NPAP1: variants seen among roughly 807,000 people sequenced by gnomAD.
NPAP1 encodes nuclear pore associated protein 1.
For synonymous variants in NPAP1, 616 were observed against 581.4 expected (o/e 1.06, Z -0.86); for missense variants, 1,483 against 1,454.5 (o/e 1.02, Z -0.32).
chr15:24,676,371 G>C lies in NPAP1; in HGVS notation c.504G>C (p.Gln168His), dbSNP rs1438367355. The C allele has an allele frequency of 9.0e-6, 14 of 1,562,390 alleles. No homozygotes were observed. The highest frequency in any genetic ancestry group is 8.6e-7 in the Non-Finnish European group (1 of 1,157,494). ...TGAAGAAGGATGAGGATCCGGTGCA[G>C]ATCGAAGGGGAGGATGACGAGAAAA... ...RRVKKDEDPVQIEGEDDEKRT... is the reference protein window; with the variant it reads ...RRVKKDEDPVHIEGEDDEKRT... Residue 168 changes from glutamine (Q) to histidine (H), a missense_variant, in exon 1 of 1, where the codon CAG becomes CAC. Coordinates refer to ENST00000329468, the MANE Select transcript of NPAP1 (RefSeq NM_018958.3).
rs199753715 is a variant in NPAP1 at position 24,676,003 on chromosome 15, C to T, written c.136C>T (p.Pro46Ser). The part of the protein sequence containing the change: ...GRAHSVPTPR[P>S]FRGLFRRNAR... ...GGCTCACTCTGTACCCACCCCGCGC[C>T]CTTTCCGCGGCCTGTTCCGCCGGAA... The change falls in exon 1 of 1, where the codon CCT becomes TCT. Residue 46 changes from proline to serine, a missense_variant. Coordinates refer to ENST00000329468, the MANE Select transcript of NPAP1 (RefSeq NM_018958.3). 7.2e-3 allele frequency: 11,537 copies of T among 1,600,666 alleles called. 52 individuals carry two copies. The highest frequency in any genetic ancestry group is 9.0e-3 in the Non-Finnish European group (10,620 of 1,174,782).
Position 24,679,848 on chromosome 15 carries a change from G to C in NPAP1, c.*510G>C, listed in dbSNP as rs1274186928. 5.7e-6 allele frequency: 1 copy of C among 176,262 alleles called. No homozygotes were observed. The highest frequency in any genetic ancestry group is 1.4e-5 in the Non-Finnish European group (1 of 73,346). 10.9% of individuals were successfully genotyped at this position (176,262 alleles called of 1,614,324 possible). On this transcript the variant is annotated 3_prime_UTR_variant, in exon 1 of 1. Coordinates refer to ENST00000329468, the MANE Select transcript of NPAP1 (RefSeq NM_018958.3). ...CCTGAGGCCCACCTGGCTAAATGCA[G>C]GTGGTGCAATAGGAGATAGCCCCAG... is the stretch of plus-strand genomic sequence containing the variant.
rs747459205 is a variant in NPAP1, at chr15:24,677,251, C to A, written c.1384C>A (p.Pro462Thr). 1.2e-6 allele frequency: 2 copies of A among 1,614,140 alleles called. No individual in the cohort carries two copies. Among genetic ancestry groups the A allele is most frequent in the Non-Finnish European group, 1.7e-6 (2 of 1,180,048 alleles). The change falls in exon 1 of 1, where the codon CCT becomes ACT. Residue 462 changes from proline (P) to threonine (T), a missense_variant. Transcript: ENST00000329468. ...AATAGCATTCACAATCCCTAACTCT[C>A]CTCTGGCTCTTCCTGCTGACCTTGT... ...EKIAFTIPNS[P>T]LALPADLVPI...
rs776835685 is a variant in NPAP1 at position 24,675,942 on chromosome 15, C to T, written c.75C>T (p.Pro25=). 3.8e-6 allele frequency: 6 copies of T among 1,586,404 alleles called. No homozygotes were observed. The highest frequency in any genetic ancestry group is 2.3e-5 in the East Asian group (1 of 42,934). ...RPLPGPGRGA[P]APLSRDASPP... is the part of the protein sequence containing the mutation. The stretch of plus-strand genomic sequence containing the variant: ...TGCCAGGGCCAGGGCGTGGCGCCCC[C>T]GCTCCCCTGTCCCGGGACGCCTCCC... Residue 25 remains proline (P), a synonymous_variant, in exon 1 of 1, where the codon CCC becomes CCT. Transcript: ENST00000329468.
Position 24,676,076 on chromosome 15 carries a change from G to A in NPAP1, c.209G>A (p.Arg70Lys). 6.4e-7 allele frequency: 1 copy of A among 1,570,712 alleles called. No homozygotes were observed. Among genetic ancestry groups the A allele is most frequent in the Non-Finnish European group, 8.6e-7 (1 of 1,162,702 alleles). ...GCCAGCATCTTCGTCGCCCCTAAGA[G>A]GCCGTGTCCTCTCCCTCGGGCTGCG... The part of the protein sequence containing the change: ...SAASIFVAPK[R>K]PCPLPRAAAA... Residue 70 changes from arginine to lysine, a missense_variant, in exon 1 of 1, where the codon AGG becomes AAG. Arg to Lys is a conservative substitution (Grantham distance 26, BLOSUM62 2). Transcript: ENST00000329468.
chr15:24,676,801 C>T lies in NPAP1; in HGVS notation c.934C>T (p.Pro312Ser), dbSNP rs768505414. The T allele has an allele frequency of 3.1e-6, 5 of 1,613,104 alleles. No individual in the cohort carries two copies. In the African/African-American group the frequency reaches 6.7e-5, roughly 22 times the overall value. Reference sequence around the variant, plus strand: ...TGATGAGAAGCCTTTCTGTATTCCTCCAAGGAGCGCTGCTCCTCCCAGAGC... The same window carrying T: ...TGATGAGAAGCCTTTCTGTATTCCTTCAAGGAGCGCTGCTCCTCCCAGAGC... ...MPDEKPFCIP[P>S]RSAAPPRAAR... is the part of the protein sequence containing the mutation. Residue 312 changes from proline (P) to serine (S), a missense_variant, in exon 1 of 1, where the codon CCA becomes TCA. Transcript: ENST00000329468.
Position 24,678,434 on chromosome 15 carries a change from G to A in NPAP1, c.2567G>A (p.Gly856Asp), listed in dbSNP as rs2141312632. ...EYIRFYMGLP[G>D]SGNTLHSDSI... ...ATCCGATTTTATATGGGGCTTCCTG[G>A]TTCTGGGAACACACTACACAGTGAC... The change falls in exon 1 of 1, where the codon GGT becomes GAT. Residue 856 changes from glycine (G) to aspartate (D), a missense_variant. By Grantham distance (94) the Gly-to-Asp change is moderately conservative (BLOSUM62 -1). Transcript: ENST00000329468. 1 of 1,614,016 alleles carries A rather than the reference G, an allele frequency of 6.2e-7. No homozygotes were observed.
At position 24,677,342 on chromosome 15, in the gene NPAP1, C is replaced by T. The variant is rs2141310144; in HGVS notation, c.1475C>T (p.Pro492Leu). The change falls in exon 1 of 1, where the codon CCT (proline) becomes CTT (leucine). Residue 492 changes from proline (P) to leucine (L), a missense_variant. Physicochemically the swap from Pro to Leu is moderately conservative, Grantham distance 98 (BLOSUM62 -3). Coordinates refer to ENST00000329468, the MANE Select transcript of NPAP1 (RefSeq NM_018958.3). ...TATAATTCAGTCGTAGGAGCAGCGCCTCTCACTTCTGACCCCCCAACACCT... is the reference window on the plus strand; with the variant it reads ...TATAATTCAGTCGTAGGAGCAGCGCTTCTCACTTCTGACCCCCCAACACCT... ...GSYNSVVGAAPLTSDPPTPPS... is the reference protein window; with the variant it reads ...GSYNSVVGAALLTSDPPTPPS... 9 of 1,614,066 alleles carry T rather than the reference C, an allele frequency of 5.6e-6. No homozygotes were observed. Among genetic ancestry groups the T allele is most frequent in the Non-Finnish European group, 7.6e-6 (9 of 1,179,998 alleles).
In NPAP1 at chr15:24,677,415, A is replaced by G. The variant is rs2141310320; in HGVS notation, c.1548A>G (p.Pro516=). The G allele has an allele frequency of 3.1e-6, 5 of 1,613,940 alleles. No individual in the cohort carries two copies. The highest frequency in any genetic ancestry group is 4.2e-6 in the Non-Finnish European group (5 of 1,179,990). ...AGCCTCCCGTCACAAGGGAGTCCCC[A>G]ATATCTATGTGTGTGGATTCCCCTC... ...SFKPPVTRES[P]ISMCVDSPPP... is the part of the protein sequence containing the mutation. The change falls in exon 1 of 1, where the codon CCA becomes CCG. Residue 516 remains proline, a synonymous_variant. Coordinates refer to ENST00000329468, the MANE Select transcript of NPAP1 (RefSeq NM_018958.3).
chr15:24,680,311 TGTTA>T lies in NPAP1; in HGVS notation c.*978_*981del, dbSNP rs1407750446. ...ATGCCCAGCCTAGAGGAGCCAGCAT[TGTTA>T]GTTAAATACTTGTGTTTGGATGGTC... On this transcript the variant is annotated 3_prime_UTR_variant, in exon 1 of 1. Transcript: ENST00000329468. 3 of 167,182 alleles carry T rather than the reference TGTTA, an allele frequency of 1.8e-5. No individual in the cohort carries two copies. Among genetic ancestry groups the T allele is most frequent in the African/African-American group, 4.8e-5 (2 of 41,430 alleles). 10.4% of individuals were successfully genotyped at this position (167,182 alleles called of 1,614,324 possible).
Position 24,678,212 on chromosome 15 carries a change from A to T in NPAP1, c.2345A>T (p.Gln782Leu), listed in dbSNP as rs2048990786. Residue 782 changes from glutamine (Q) to leucine (L), a missense_variant, in exon 1 of 1, where the codon CAG (glutamine) becomes CTG (leucine). Coordinates refer to ENST00000329468, the MANE Select transcript of NPAP1 (RefSeq NM_018958.3). The stretch of plus-strand genomic sequence containing the variant: ...TTTGGGGCCCCTGATGGGCCGCAGC[A>T]GAAAACCTCTCTCCCCAGTGCCCAT... Reference protein sequence around the residue: ...PKFGAPDGPQQKTSLPSAHDF... With the variant: ...PKFGAPDGPQLKTSLPSAHDF... 1.2e-6 allele frequency: 2 copies of T among 1,613,098 alleles called. No individual in the cohort carries two copies. The highest frequency in any genetic ancestry group is 1.7e-6 in the Non-Finnish European group (2 of 1,179,696).
At position 24,677,423 on chromosome 15, in the gene NPAP1, T is replaced by G. The variant is rs774683810; in HGVS notation, c.1556T>G (p.Met519Arg). 1 of 1,614,148 alleles carries G rather than the reference T, an allele frequency of 6.2e-7. No individual in the cohort carries two copies. The highest frequency in any genetic ancestry group is 1.1e-5 in the South Asian group (1 of 91,082). Residue 519 changes from methionine to arginine, a missense_variant, in exon 1 of 1, where the codon ATG (methionine) becomes AGG (arginine). Transcript: ENST00000329468. The part of the protein sequence containing the change: ...PPVTRESPIS[M>R]CVDSPPPLSF... ...GTCACAAGGGAGTCCCCAATATCTA[T>G]GTGTGTGGATTCCCCTCCTCCTCTT...
At position 24,683,340 on chromosome 15, in the gene NPAP1, C is replaced by G. The variant is rs1263815787; in HGVS notation, c.*4002C>G. 1 of 167,534 alleles carries G rather than the reference C, an allele frequency of 6.0e-6. No individual in the cohort carries two copies. Among genetic ancestry groups the G allele is most frequent in the East Asian group, 1.9e-4 (1 of 5,184 alleles). 10.4% of individuals were successfully genotyped at this position (167,534 alleles called of 1,614,324 possible). ...TGTTCGGTGTACTCTTGTGGCAAAA[C>G]TGCTGGCAAGTGTACCCTTTCTGCA... On this transcript the variant is annotated 3_prime_UTR_variant, in exon 1 of 1. Transcript: ENST00000329468.
chr15:24,682,295 G>A lies in NPAP1; in HGVS notation c.*2957G>A, dbSNP rs1595618035. On this transcript the variant is annotated 3_prime_UTR_variant, in exon 1 of 1. Transcript: ENST00000329468. ...CAGAACTGCCTTTCAGAAGTAGAGT[G>A]GAAATCCAGTTTTCTTCTAATAGCC... is the stretch of plus-strand genomic sequence containing the variant. The A allele has an allele frequency of 6.0e-6, 1 of 167,000 alleles. No individual in the cohort carries two copies. The allele number at this position is 167,000 out of a possible 1,614,324, so 10.3% of individuals were successfully genotyped here.
chr15:24,676,880 T>G lies in NPAP1; in HGVS notation c.1013T>G (p.Leu338Arg). 6.2e-7 allele frequency: 1 copy of G among 1,613,510 alleles called. No individual in the cohort carries two copies. Among genetic ancestry groups the G allele is most frequent in the Non-Finnish European group, 8.5e-7 (1 of 1,180,024 alleles). Residue 338 changes from leucine (L) to arginine (R), a missense_variant, in exon 1 of 1, where the codon CTG becomes CGG. Leu to Arg is a moderately radical substitution (Grantham distance 102). Coordinates refer to ENST00000329468, the MANE Select transcript of NPAP1 (RefSeq NM_018958.3). ...RKMSIPLLLP[L>R]PPSLPLLWDR... ...ATGTCGATTCCATTGCTGCTGCCGC[T>G]GCCCCCTTCACTGCCATTGCTGTGG...
chr15:24,676,270 G>C lies in NPAP1; in HGVS notation c.403G>C (p.Val135Leu), dbSNP rs1174769054. 6.6e-7 allele frequency: 1 copy of C among 1,519,360 alleles called. No individual in the cohort carries two copies. Among genetic ancestry groups the C allele is most frequent in the Non-Finnish European group, 8.8e-7 (1 of 1,135,690 alleles). 94.1% of individuals were successfully genotyped at this position (1,519,360 alleles called of 1,614,324 possible). ...GCTGCCTTCACCACGTGAGCCGGCGGTCAAGGCCAGGAAGCCCATCCCAGC... is the reference window on the plus strand; with the variant it reads ...GCTGCCTTCACCACGTGAGCCGGCGCTCAAGGCCAGGAAGCCCATCCCAGC... The part of the protein sequence containing the change: ...LLLPSPREPA[V>L]KARKPIPATL... Residue 135 changes from valine to leucine, a missense_variant, in exon 1 of 1, where the codon GTC becomes CTC. Physicochemically the swap from Val to Leu is conservative, Grantham distance 32. Transcript: ENST00000329468.
chr15:24,678,401 A>C lies in NPAP1; in HGVS notation c.2534A>C (p.Glu845Ala). The change falls in exon 1 of 1, where the codon GAG becomes GCG. Residue 845 changes from glutamate to alanine, a missense_variant. Glu to Ala is a moderately radical substitution (Grantham distance 107, BLOSUM62 -1). Coordinates refer to ENST00000329468, the MANE Select transcript of NPAP1 (RefSeq NM_018958.3). ...CAGTCTACCTTTGTCTCCAGGAAGG[A>C]GGAGTACATCCGATTTTATATGGGG... ...ILQSTFVSRK[E>A]EYIRFYMGLP... The C allele has an allele frequency of 6.2e-7, 1 of 1,613,976 alleles. No homozygotes were observed. Among genetic ancestry groups the C allele is most frequent in the Non-Finnish European group, 8.5e-7 (1 of 1,180,002 alleles).
rs2049027791 is a variant in NPAP1, at chr15:24,683,129, A to G, written c.*3791A>G. 1.6e-5 allele frequency: 3 copies of G among 189,252 alleles called. No individual in the cohort carries two copies. The East Asian group carries it at 4.8e-4, about 30-fold the overall frequency. 11.7% of individuals were successfully genotyped at this position (189,252 alleles called of 1,614,324 possible). ...CTCTTCCTTATTTAGAAGTGTTTTT[A>G]CCTTTCTCAGCATTCCACAAGTTAC... On this transcript the variant is annotated 3_prime_UTR_variant, in exon 1 of 1. Coordinates refer to ENST00000329468, the MANE Select transcript of NPAP1 (RefSeq NM_018958.3).
rs755127854 is a variant in NPAP1 at position 24,676,279 on chromosome 15, A to G, written c.412A>G (p.Arg138Gly). The change falls in exon 1 of 1, where the codon AGG becomes GGG. Residue 138 changes from arginine (R) to glycine (G), a missense_variant. Transcript: ENST00000329468. ...ACCACGTGAGCCGGCGGTCAAGGCC[A>G]GGAAGCCCATCCCAGCCACTCTCCT... is the stretch of plus-strand genomic sequence containing the variant. The part of the protein sequence containing the change: ...PSPREPAVKA[R>G]KPIPATLLEE... The G allele has an allele frequency of 6.6e-7, 1 of 1,519,650 alleles. No homozygotes were observed. Among genetic ancestry groups the G allele is most frequent in the Non-Finnish European group, 8.8e-7 (1 of 1,135,878 alleles). 94.1% of individuals were successfully genotyped at this position (1,519,650 alleles called of 1,614,324 possible).
Sources: allele counts gnomAD v4.1 joint callset, GRCh38; gene constraint gnomAD v4.1.1; transcripts MANE v1.5; gene names NCBI Gene and HGNC (gene_info 2026-07-23, HGNC 2026-07-21).